The following CEP126 variants were observed in gnomAD, a reference collection of about 807,000 sequenced individuals.
CEP126 encodes the protein centrosomal protein of 126 kDa.
CEP126 carries 74 observed loss-of-function variants against 107.8 expected under a neutral mutation model. The ratio of observed to expected loss-of-function variants is 0.69; its 90% CI spans 0.57 to 0.83. CEP126 has a LOEUF of 0.83. Among genes scored for constraint, CEP126 ranks in the 40% least tolerant of loss-of-function variants. The pLI is 0.00. For synonymous variants in CEP126, 449 were observed against 446.0 expected (o/e 1.01, Z -0.08); for missense variants, 1,237 against 1,281.9 (o/e 0.96, Z 0.53).
In CEP126 at chr11:101,955,580, G is replaced by C. The variant is rs576959303; in HGVS notation, c.507-2588G>C. On this transcript the variant is annotated intron_variant, in intron 4 of 10. Transcript: ENST00000263468. The stretch of plus-strand genomic sequence containing the variant: ...AGAAGTGAAAATACTCTAAGAGCAA[G>C]AAATAAGAAATGGCGAACCTGAATA... Among the ~76,000 whole-genome samples the C allele has an allele frequency of 3.1e-4, 47 of 152,268 alleles. No homozygotes were observed. The South Asian group carries it at 7.7e-3, about 25-fold the overall frequency.
chr11:101,984,537 T>A (rs1941294331), intron 8 of CEP126, among the ~76,000 whole-genome samples: 4 of 152,180 alleles, frequency 2.6e-5, no homozygotes, highest in Non-Finnish European at 4.4e-5. Context: ...TGAATTAAGA[T>A]GATTGTGATA....
In CEP126 at chr11:101,967,418, A is replaced by G. The variant is rs59964307; in HGVS notation, c.2845+3538A>G. Among the ~76,000 whole-genome samples, 1,052 of 152,300 alleles carry G rather than the reference A, an allele frequency of 6.9e-3. 12 individuals are homozygous for G. Among genetic ancestry groups the G allele is most frequent in the African/African-American group, 0.024 (998 of 41,570 alleles). On this transcript the variant is annotated intron_variant, in intron 6 of 10. Coordinates refer to ENST00000263468, the MANE Select transcript of CEP126 (RefSeq NM_020802.4). The stretch of plus-strand genomic sequence containing the variant: ...ACAGCCCTTCCCCGCCCAGGGGGAA[A>G]AAATTATTTGCTTTTTCTCTGCCTT...
chr11:101,919,988 T>G (rs1940298051), intron 1 of CEP126, among the ~76,000 whole-genome samples: 1 of 152,232 alleles, frequency 6.6e-6, no homozygotes, highest in African/African-American at 2.4e-5. Context: ...AAAAACAGTT[T>G]TTCTGTGCTA....
In CEP126 at chr11:101,971,837, C is replaced by T. The variant is rs147969958; in HGVS notation, c.2846-6510C>T. On this transcript the variant is annotated intron_variant, in intron 6 of 10. Coordinates refer to ENST00000263468, the MANE Select transcript of CEP126 (RefSeq NM_020802.4). ...AAAATCACCAATAGCGGCCAGGTGC[C>T]GTGGCTCACGCCTGTAATTCCAGCA... is the stretch of plus-strand genomic sequence containing the variant. 1.7e-3 allele frequency among the ~76,000 whole-genome samples: 263 copies of T among 152,294 alleles called. 1 individual carries two copies. Among genetic ancestry groups the T allele is most frequent in the African/African-American group, 5.8e-3 (242 of 41,568 alleles).
rs375645537 is a variant in CEP126, at chr11:101,980,634, AC to A, written c.2959-1254del. Among the ~76,000 whole-genome samples the A allele has an allele frequency of 2.6e-4, 40 of 152,160 alleles. No homozygotes were observed. In the East Asian group the frequency reaches 4.6e-3, roughly 18 times the overall value. ...AAATTTTTTCATCCTTATTATTTTGACTTGTTTTTGTTTTTTATTCCAGAGC... is the reference window on the plus strand; with the variant it reads ...AAATTTTTTCATCCTTATTATTTTGATTGTTTTTGTTTTTTATTCCAGAGC... On this transcript the variant is annotated intron_variant, in intron 7 of 10. Coordinates refer to ENST00000263468, the MANE Select transcript of CEP126 (RefSeq NM_020802.4).
chr11:101,944,240 T>G, intron 2 of CEP126, 25 bp from the exon 3 acceptor site: 1 of 1,530,930 alleles, frequency 6.5e-7, no homozygotes, highest in Non-Finnish European at 8.7e-7. Context: ...CTATTTCTGT[T>G]GCCTACTTTG....
chr11:101,930,618 T>G (rs1329114649), intron 2 of CEP126, among the ~76,000 whole-genome samples: 1 of 152,174 alleles, frequency 6.6e-6, no homozygotes, highest in Non-Finnish European at 1.5e-5. Flanking sequence ...CCAGCTTTTA[T>G]CCCCTTATTT....
intron 7 of CEP126, 101 bp downstream of exon 7, chr11:101,978,560 C>A: frequency 1.4e-6 from 1 of 701,366 alleles, no homozygotes; most frequent in Admixed American, 2.6e-5. Flanking sequence ...CTGTATACCA[C>A]AACATAAATA....
In CEP126 at chr11:101,997,840, G is replaced by A; in HGVS notation, c.*197G>A. 5 of 654,856 alleles carry A rather than the reference G, an allele frequency of 7.6e-6. No individual in the cohort carries two copies. The highest frequency in any genetic ancestry group is 1.3e-5 in the Non-Finnish European group (5 of 393,476). The allele number at this position is 654,856 out of a possible 1,614,324, so 40.6% of individuals were successfully genotyped here. ...AAGCAGTGAAGTTTAACAGAGTTCT[G>A]AGAATACCATGAAAGACATTATGCC... On this transcript the variant is annotated 3_prime_UTR_variant, in exon 11 of 11. Coordinates refer to ENST00000263468, the MANE Select transcript of CEP126 (RefSeq NM_020802.4).
At chr11:101,990,539 C>A (rs1001136843) in intron 9 of CEP126, among the ~76,000 whole-genome samples, 2 of 152,042 alleles carry the variant, frequency 1.3e-5, no homozygotes, top group African/African-American at 2.4e-5. Flanking sequence ...TTCTCTTGTA[C>A]AAAACCTGCC....
Position 101,978,389 on chromosome 11 carries a change from G to A in CEP126, c.2888G>A (p.Arg963Gln), listed in dbSNP as rs150274963. 140 of 1,613,468 alleles carry A rather than the reference G, an allele frequency of 8.7e-5. 1 individual carries two copies. The highest frequency in any genetic ancestry group is 4.6e-4 in the South Asian group (42 of 91,064). The change falls in exon 7 of 11, where the codon CGG (arginine) becomes CAG (glutamine). Residue 963 changes from arginine to glutamine, a missense_variant. Physicochemically the swap from Arg to Gln is conservative, Grantham distance 43 (BLOSUM62 1). Transcript: ENST00000263468. ...AGAAAACGAATTGCTGAAACTAAGCGGAGAAATATTTTAGAGCAGAAAAGA... is the reference window on the plus strand; with the variant it reads ...AGAAAACGAATTGCTGAAACTAAGCAGAGAAATATTTTAGAGCAGAAAAGA... ...MRRKRIAETKRRNILEQKRQN... is the reference protein window; with the variant it reads ...MRRKRIAETKQRNILEQKRQN...
At position 101,971,535 on chromosome 11, in the gene CEP126, C is replaced by CG. The variant is rs531254074; in HGVS notation, c.2846-6806dup. The stretch of plus-strand genomic sequence containing the variant: ...TTCAGTTTACTGTTTAAGGTTTGGG[C>CG]GGGGGGAGGTGTTGCGTTGTTTTTG... On this transcript the variant is annotated intron_variant, in intron 6 of 10. Coordinates refer to ENST00000263468, the MANE Select transcript of CEP126 (RefSeq NM_020802.4). 1.3e-3 allele frequency among the ~76,000 whole-genome samples: 191 copies of CG among 151,688 alleles called. 1 individual carries two copies. Among genetic ancestry groups the CG allele is most frequent in the Admixed American group, 1.6e-3 (25 of 15,230 alleles).
intron 4 of CEP126, among the ~76,000 whole-genome samples, chr11:101,954,771 T>C (rs1940862668): frequency 6.6e-6 from 1 of 152,072 alleles, no homozygotes; most frequent in African/African-American, 2.4e-5. Context: ...TAATCTTAAG[T>C]AATGTATATG....
At chr11:101,927,297 A>G (rs1565350051) in intron 2 of CEP126, among the ~76,000 whole-genome samples, 1 of 152,286 alleles carries the variant, frequency 6.6e-6, no homozygotes, top group African/African-American at 2.4e-5. Context: ...GCGAGTCTCC[A>G]TTTAAAAATA....
At chr11:101,960,083 A>C (rs1349142335) in intron 5 of CEP126, among the ~76,000 whole-genome samples, 3 of 152,228 alleles carry the variant, frequency 2.0e-5, no homozygotes, top group Non-Finnish European at 4.4e-5. Context: ...GCACACACAC[A>C]TACCACAGAA....
At chr11:101,955,834 C>T (rs1427153943) in intron 4 of CEP126, 1 of 455,694 alleles carries the variant, frequency 2.2e-6, no homozygotes, top group Non-Finnish European at 4.4e-6. Context: ...CTGACCCCTA[C>T]TTACCTGATC....
intron 9 of CEP126, among the ~76,000 whole-genome samples, chr11:101,991,313 C>T (rs957780923): frequency 3.9e-5 from 6 of 152,132 alleles, no homozygotes. Flanking sequence ...TTTCAAGACA[C>T]AAATACTATC....
chr11:101,971,994 A>G (rs1941135090), intron 6 of CEP126, among the ~76,000 whole-genome samples: 1 of 152,086 alleles, frequency 6.6e-6, no homozygotes, highest in African/African-American at 2.4e-5. Flanking sequence ...CTGTAATCCC[A>G]GCTACTTGGG....
chr11:101,993,693 T>C (rs1941411374), intron 10 of CEP126, among the ~76,000 whole-genome samples: 1 of 152,226 alleles, frequency 6.6e-6, no homozygotes, highest in African/African-American at 2.4e-5. Flanking sequence ...CATTCCCTTT[T>C]CTCCACAGCC....
Sources: gnomAD v4.1 joint callset for allele counts (sites outside exome capture counted in the v4.1 genomes callset) on GRCh38, gnomAD v4.1.1 for gene constraint, MANE v1.5 for transcripts, NCBI Gene and HGNC (gene_info 2026-07-23, HGNC 2026-07-21) for gene names.